Variants in SPAG16 observed in about 807,000 individuals in gnomAD.
The protein encoded by SPAG16 is sperm associated antigen 16.
SPAG16 carries 86 observed loss-of-function variants against 80.4 expected under a neutral mutation model. That is an observed-to-expected ratio of 1.07 (90% confidence interval 0.90 to 1.28). The LOEUF (loss-of-function observed/expected upper bound fraction) is 1.28, where lower values mean the gene tolerates loss of function less well. SPAG16 is among the 50% of genes most tolerant of loss of function. The probability of loss-of-function intolerance (pLI) is 0.00; values close to 1 mark genes in which losing one functional copy is unlikely to be tolerated. For missense variants in SPAG16, 870 were observed against 765.3 expected, an observed-to-expected ratio of 1.14 and a Z score of -1.61; for synonymous variants, 294 against 265.9, an observed-to-expected ratio of 1.11 and a Z score of -1.03.
chr2:213,438,587 T>C (rs114272065), intron 9 of SPAG16, among the ~76,000 whole-genome samples: 2,226 of 149,800 alleles, frequency 0.015, 23 homozygotes, highest in South Asian at 0.038. Flanking sequence ...TGTTTACTAC[T>C]GTTCTAGGTA....
At chr2:214,065,026 T>G (rs139643342) in intron 13 of SPAG16, among the ~76,000 whole-genome samples, 52 of 152,108 alleles carry the variant, frequency 3.4e-4, no homozygotes, top group African/African-American at 1.1e-3. Context: ...TGCTAAGAGC[T>G]TTAAATATTT....
At chr2:213,782,446 C>A (rs1189665822) in intron 10 of SPAG16, among the ~76,000 whole-genome samples, 1 of 152,046 alleles carries the variant, frequency 6.6e-6, no homozygotes, top group Non-Finnish European at 1.5e-5. Flanking sequence ...TATGTAGTAC[C>A]AAATGTAACA....
intron 15 of SPAG16, among the ~76,000 whole-genome samples, chr2:214,286,559 CA>C (rs1471072798): frequency 2.0e-5 from 3 of 152,098 alleles, no homozygotes; most frequent in African/African-American, 7.2e-5. Flanking sequence ...CCAGCCTGGC[CA>C]ACCTGCCAAA....
At chr2:213,449,208 C>T (rs2071538357) in intron 9 of SPAG16, among the ~76,000 whole-genome samples, 1 of 152,098 alleles carries the variant, frequency 6.6e-6, no homozygotes, top group South Asian at 2.1e-4. Context: ...AAACTCTGCC[C>T]TGGTAAATTT....
intron 14 of SPAG16, among the ~76,000 whole-genome samples, chr2:214,144,862 A>G (rs2055557268): frequency 6.6e-6 from 1 of 152,124 alleles, no homozygotes; most frequent in Non-Finnish European, 1.5e-5. Flanking sequence ...GGTTCAAACT[A>G]CAATCAAATT....
At chr2:214,033,553 T>G (rs933227370) in intron 13 of SPAG16, among the ~76,000 whole-genome samples, 2 of 152,146 alleles carry the variant, frequency 1.3e-5, no homozygotes, top group Admixed American at 1.3e-4. Context: ...AAGATTATAT[T>G]CAACCATTTA....
At chr2:214,266,189 T>C (rs1014666669) in intron 15 of SPAG16, among the ~76,000 whole-genome samples, 5 of 151,890 alleles carry the variant, frequency 3.3e-5, no homozygotes, top group African/African-American at 1.2e-4. Flanking sequence ...CTAATAGGAA[T>C]GAAAACTAGG....
intron 10 of SPAG16, among the ~76,000 whole-genome samples, chr2:213,774,979 A>G (rs1026126545): frequency 2.0e-5 from 3 of 152,172 alleles, no homozygotes; most frequent in Admixed American, 2.0e-4. Context: ...CCTGTGTCTC[A>G]GGTTGGATCT....
rs556230831 is a variant in SPAG16, at chr2:213,617,659, A to T, written c.1070+127569A>T. 6.5e-4 allele frequency among the ~76,000 whole-genome samples: 99 copies of T among 151,920 alleles called. 1 individual carries two copies. The highest frequency in any genetic ancestry group is 6.8e-3 in the Middle Eastern group (2 of 294). ...CCCGGCCCAAAATAATTTTTTTTTT[A>T]AAAATGAGCAAGGCATAGTGGCATG... On this transcript the variant is annotated intron_variant, in intron 10 of 15. Coordinates refer to ENST00000331683, the MANE Select transcript of SPAG16 (RefSeq NM_024532.5).
At chr2:214,294,140 A>T (rs957343015) in intron 15 of SPAG16, among the ~76,000 whole-genome samples, 9 of 152,228 alleles carry the variant, frequency 5.9e-5, no homozygotes, top group Admixed American at 5.9e-4. Flanking sequence ...GAAACCCAGC[A>T]TGAGCTCCCT....
At position 213,292,682 on chromosome 2, in the gene SPAG16, A is replaced by C. The variant is rs111791519; in HGVS notation, c.137-3382A>C. On this transcript the variant is annotated intron_variant, in intron 1 of 15. Coordinates refer to ENST00000331683, the MANE Select transcript of SPAG16 (RefSeq NM_024532.5). ...CCGTCTCAAAAAAAAAAAACAAAAA[A>C]AACAAAAAAAAACAAAACTATCAGA... Among the ~76,000 whole-genome samples, 39 of 134,356 alleles carry C rather than the reference A, an allele frequency of 2.9e-4. 2 individuals are homozygous for C. The highest frequency in any genetic ancestry group is 1.8e-3 in the South Asian group (8 of 4,540). The allele number at this position is 134,356 out of a possible 152,430, so 88.1% of individuals were successfully genotyped here.
At chr2:213,598,350 T>A (rs1433241934) in intron 10 of SPAG16, among the ~76,000 whole-genome samples, 1 of 152,190 alleles carries the variant, frequency 6.6e-6, no homozygotes, top group Non-Finnish European at 1.5e-5. Flanking sequence ...ATAATGATAT[T>A]TTACCTATAC....
At chr2:214,203,844 T>A (rs1055922522) in intron 15 of SPAG16, among the ~76,000 whole-genome samples, 4 of 152,038 alleles carry the variant, frequency 2.6e-5, no homozygotes, top group Non-Finnish European at 5.9e-5. Flanking sequence ...GAATCAGGGG[T>A]GCAGACAAGC....
chr2:213,774,426 A>G (rs184225494), intron 10 of SPAG16, among the ~76,000 whole-genome samples: 36 of 152,048 alleles, frequency 2.4e-4, no homozygotes, highest in Non-Finnish European at 4.9e-4. Flanking sequence ...TTCACATGGC[A>G]TTTTTCGTGT....
chr2:213,856,077 A>C lies in SPAG16; in HGVS notation c.1071-6408A>C, dbSNP rs144721121. Among the ~76,000 whole-genome samples the C allele has an allele frequency of 5.6e-3, 856 of 152,312 alleles. 12 individuals are homozygous for C. The highest frequency in any genetic ancestry group is 0.02 in the African/African-American group (822 of 41,556). On this transcript the variant is annotated intron_variant, in intron 10 of 15. Transcript: ENST00000331683. ...CTGTAAAATCAAAAGCAAGTTAGTT[A>C]CTTCCTAGACACACTGGGGATACAG... is the stretch of plus-strand genomic sequence containing the variant.
At chr2:214,105,245 G>A (rs1227411092) in intron 13 of SPAG16, among the ~76,000 whole-genome samples, 1 of 152,096 alleles carries the variant, frequency 6.6e-6, no homozygotes. Context: ...AAGGCAAATA[G>A]ACATTCAAAG....
intron 5 of SPAG16, among the ~76,000 whole-genome samples, chr2:213,329,369 G>C (rs2063987621): frequency 6.6e-6 from 1 of 152,174 alleles, no homozygotes; most frequent in South Asian, 2.1e-4. Flanking sequence ...AGAAATCCAG[G>C]CTGAGATGAT....
At chr2:214,382,250 A>G (rs1441820952) in intron 15 of SPAG16, among the ~76,000 whole-genome samples, 6 of 152,236 alleles carry the variant, frequency 3.9e-5, no homozygotes, top group Admixed American at 3.9e-4. Flanking sequence ...TTCATGTTTG[A>G]CTAAGAACTA....
chr2:213,554,032 C>T (rs1349098303), intron 10 of SPAG16, among the ~76,000 whole-genome samples: 2 of 152,106 alleles, frequency 1.3e-5, no homozygotes, highest in Non-Finnish European at 2.9e-5. Context: ...CAGGCCTAAC[C>T]TCACCTCTCT....
Sources: allele counts gnomAD v4.1 joint callset (sites outside exome capture counted in the v4.1 genomes callset), GRCh38; gene constraint gnomAD v4.1.1; transcripts MANE v1.5; gene names NCBI Gene and HGNC (gene_info 2026-07-23, HGNC 2026-07-21).